The following SERAC1 variants were observed in gnomAD, a reference collection of about 807,000 sequenced individuals.
SERAC1 encodes the protein serine active site containing 1.
A neutral mutation model predicts 85.7 loss-of-function variants in SERAC1; 36 were observed. The ratio of observed to expected loss-of-function variants is 0.42; its 90% confidence interval spans 0.32 to 0.55. The LOEUF is 0.55. Ranked by LOEUF, SERAC1 falls within the 20% of genes least tolerant of loss-of-function variation. The probability of loss-of-function intolerance (pLI) is 0.11; values close to 1 mark genes in which losing one functional copy is unlikely to be tolerated. For synonymous variants in SERAC1, 242 were observed against 265.3 expected, an observed-to-expected ratio of 0.91 and a Z score of 0.85; for missense variants, 629 against 796.2, an observed-to-expected ratio of 0.79 and a Z score of 2.53.
intron 3 of SERAC1, 92 bp from the exon 4 acceptor site, chr6:158,150,681 TC>T: frequency 5.5e-6 from 5 of 903,978 alleles, no homozygotes; most frequent in Non-Finnish European, 8.6e-6. Context: ...ATAGTAAACT[TC>T]TTTTTTGTTG....
Position 158,119,185 on chromosome 6 carries a change from A to T in SERAC1, c.1167-15T>A. The stretch of plus-strand genomic sequence containing the variant: ...TAATGGGCTGACTAATAGGGGAGAG[A>T]GTTTTAAAAAGAAGCAGAATAAATG... On this transcript the variant is annotated splice_polypyrimidine_tract_variant and intron_variant, in intron 11 of 16. Coordinates refer to ENST00000647468, the MANE Select transcript of SERAC1 (RefSeq NM_032861.4). The surrounding 1 kb of genome is among the most constrained non-coding windows in gnomAD (Gnocchi z 4.5). 1.3e-6 allele frequency: 2 copies of T among 1,597,770 alleles called. No homozygotes were observed. The highest frequency in any genetic ancestry group is 1.7e-6 in the Non-Finnish European group (2 of 1,170,716).
At chr6:158,136,972 A>T (rs1784808802) in intron 8 of SERAC1, among the ~76,000 whole-genome samples, 1 of 152,154 alleles carries the variant, frequency 6.6e-6, no homozygotes, top group Non-Finnish European at 1.5e-5. Context: ...ATCCTGGCTA[A>T]CATGGTGAAA....
intron 15 of SERAC1, chr6:158,114,556 A>G (rs1178601280): frequency 8.2e-7 from 1 of 1,217,872 alleles, no homozygotes. Context: ...AATTTTAAGT[A>G]TTTAAGATAA....
At position 158,128,247 on chromosome 6, in the gene SERAC1, G is replaced by A. The variant is rs746614907; in HGVS notation, c.876C>T (p.Ile292=). 10 of 1,613,784 alleles carry A rather than the reference G, an allele frequency of 6.2e-6. No homozygotes were observed. Among genetic ancestry groups the A allele is most frequent in the Admixed American group, 1.7e-5 (1 of 59,966 alleles). The part of the protein sequence containing the change: ...HSEISTHCDK[I]EANGGLQLLQ... ...GTAGCTGCAGGCCTCCATTTGCTTC[G>A]ATTTTATCACAATGTGTGGATATCT... is the stretch of plus-strand genomic sequence containing the variant. The change falls in exon 10 of 17, where the codon ATC becomes ATT. Residue 292 remains isoleucine (I), a synonymous_variant. Coordinates refer to ENST00000647468, the MANE Select transcript of SERAC1 (RefSeq NM_032861.4).
chr6:158,133,805 G>T (rs965065150), intron 8 of SERAC1, among the ~76,000 whole-genome samples: 1 of 152,126 alleles, frequency 6.6e-6, no homozygotes, highest in Non-Finnish European at 1.5e-5. Context: ...GTCCTTAGGG[G>T]TATGGGGTAG....
In SERAC1 at chr6:158,117,224, A is replaced by C; in HGVS notation, c.1403+503T>G. The stretch of plus-strand genomic sequence containing the variant: ...TAGACAAAGCTTCCCGGAAAAGTTA[A>C]CTGACTGGTCTAAGACTGCACAGCA... On this transcript the variant is annotated intron_variant, in intron 13 of 16. Transcript: ENST00000647468. This position sits in a 1 kb window ranked among gnomAD's most constrained non-coding sequence, Gnocchi z 4.3. 1 of 312,978 alleles carries C rather than the reference A, an allele frequency of 3.2e-6. No individual in the cohort carries two copies. The allele number at this position is 312,978 out of a possible 1,614,324, so 19.4% of individuals were successfully genotyped here. A position where few individuals can be genotyped will look rare whatever the true frequency, so the allele number is the denominator to read the frequency against.
rs1300415922 is a variant in SERAC1 at position 158,136,623 on chromosome 6, T to C, written c.739-6137A>G. The stretch of plus-strand genomic sequence containing the variant: ...TATCCTCCTGCCTCAGCCTCCTCAG[T>C]AGCTGGGACTACAGGCATGGGCCAC... On this transcript the variant is annotated intron_variant, in intron 8 of 16. Transcript: ENST00000647468. Among the ~76,000 whole-genome samples, 5 of 152,148 alleles carry C rather than the reference T, an allele frequency of 3.3e-5. No homozygotes were observed. In the East Asian group the frequency reaches 7.7e-4, roughly 24 times the overall value.
intron 6 of SERAC1, chr6:158,145,952 T>C (rs1437604356): frequency 6.6e-6 from 1 of 152,228 alleles, no homozygotes; most frequent in Non-Finnish European, 1.5e-5. Flanking sequence ...GTAAAATTTG[T>C]GATTTTTAAA....
intron 10 of SERAC1, among the ~76,000 whole-genome samples, chr6:158,125,214 C>T (rs985953416): frequency 6.6e-6 from 1 of 152,190 alleles, no homozygotes; most frequent in Non-Finnish European, 1.5e-5. Context: ...GCTATCCCAA[C>T]TGCCCTGACT....
chr6:158,113,379 T>C, intron 16 of SERAC1, 70 bp downstream of exon 16: 8 of 1,256,850 alleles, frequency 6.4e-6, no homozygotes, highest in Non-Finnish European at 9.0e-6. Flanking sequence ...ATATAAAAAT[T>C]GCTGTTTACA....
At chr6:158,131,820 C>G (rs1435652188) in intron 8 of SERAC1, among the ~76,000 whole-genome samples, 3 of 152,092 alleles carry the variant, frequency 2.0e-5, no homozygotes, top group African/African-American at 7.2e-5. Flanking sequence ...AGACTGAAAA[C>G]CAGCTAATAT....
chr6:158,156,663 C>G (rs1325670615), intron 2 of SERAC1, among the ~76,000 whole-genome samples: 1 of 149,464 alleles, frequency 6.7e-6, no homozygotes, highest in African/African-American at 2.5e-5. Flanking sequence ...GTTACATGCA[C>G]TGAGCACAAC....
At position 158,163,893 on chromosome 6, in the gene SERAC1, T is replaced by C. The variant is rs746275360; in HGVS notation, c.-2+4247A>G. Among the ~76,000 whole-genome samples, 34 of 151,924 alleles carry C rather than the reference T, an allele frequency of 2.2e-4. 1 individual carries two copies. The highest frequency in any genetic ancestry group is 4.2e-4 in the South Asian group (2 of 4,796). ...CTGGGATTACAGATGCCCACCACCA[T>C]ACCTGGCTAATTTTTGTATTTTGGG... On this transcript the variant is annotated intron_variant, in intron 1 of 16. Coordinates refer to ENST00000647468, the MANE Select transcript of SERAC1 (RefSeq NM_032861.4).
Position 158,120,713 on chromosome 6 carries a change from C to T in SERAC1, c.1016-138G>A. The T allele has an allele frequency of 1.1e-6, 1 of 875,896 alleles. No homozygotes were observed. The highest frequency in any genetic ancestry group is 1.7e-6 in the Non-Finnish European group (1 of 585,916). The allele number at this position is 875,896 out of a possible 1,614,324, so 54.3% of individuals were successfully genotyped here. A position where few individuals can be genotyped will look rare whatever the true frequency, so the allele number is the denominator to read the frequency against. ...CCTTGGCGGAGAAGTCCGACTATTC[C>T]AACCCCATTCTGCCCTACGATCCTC... On this transcript the variant is annotated intron_variant, in intron 10 of 16. Transcript: ENST00000647468. This position sits in a 1 kb window ranked among gnomAD's most constrained non-coding sequence, Gnocchi z 4.4.
intron 6 of SERAC1, chr6:158,146,325 T>G (rs181519074): frequency 6.5e-6 from 1 of 152,748 alleles, no homozygotes; most frequent in East Asian, 1.9e-4. Context: ...CTTAAAATTT[T>G]TCAAATACTT....
Position 158,117,412 on chromosome 6 carries a change from G to C in SERAC1, c.1403+315C>G, listed in dbSNP as rs1213825845. ...TTAGCCAGTATGATTGTGGACACAAGAACAAAAAAACATCACTTTTACTTC... is the reference window on the plus strand; with the variant it reads ...TTAGCCAGTATGATTGTGGACACAACAACAAAAAAACATCACTTTTACTTC... On this transcript the variant is annotated intron_variant, in intron 13 of 16. Transcript: ENST00000647468. The surrounding 1 kb of genome is among the most constrained non-coding windows in gnomAD (Gnocchi z 4.3). The C allele has an allele frequency of 1.5e-5, 16 of 1,088,056 alleles. No homozygotes were observed. Among genetic ancestry groups the C allele is most frequent in the Non-Finnish European group, 2.0e-5 (16 of 783,606 alleles). 67.4% of individuals were successfully genotyped at this position (1,088,056 alleles called of 1,614,324 possible). A position where few individuals can be genotyped will look rare whatever the true frequency, so the allele number is the denominator to read the frequency against.
At chr6:158,115,177 T>C (rs375949913) in intron 14 of SERAC1, among the ~76,000 whole-genome samples, 1 of 152,186 alleles carries the variant, frequency 6.6e-6, no homozygotes, top group East Asian at 1.9e-4. Context: ...AGTGCAAGCC[T>C]ACAAACAGGG....
chr6:158,124,640 G>GA (rs1784494840), intron 10 of SERAC1, among the ~76,000 whole-genome samples: 1 of 151,742 alleles, frequency 6.6e-6, no homozygotes, highest in Non-Finnish European at 1.5e-5. Context: ...AGAAGCCAGA[G>GA]GAAAAAAGAT....
Position 158,128,174 on chromosome 6 carries a change from T to A in SERAC1, c.949A>T (p.Asn317Tyr). 6.2e-7 allele frequency: 1 copy of A among 1,614,174 alleles called. No individual in the cohort carries two copies. The highest frequency in any genetic ancestry group is 8.5e-7 in the Non-Finnish European group (1 of 1,180,012). ...ATATTTCCAATGACACGCATTATAT[T>A]TCTCTGTACTTTAGGGCAGTCCTTG... Reference protein sequence around the residue: ...LHKDCPKVQRNIMRVIGNMAL... With the variant: ...LHKDCPKVQRYIMRVIGNMAL... The change falls in exon 10 of 17, where the codon AAT becomes TAT. Residue 317 changes from asparagine (N) to tyrosine (Y), a missense_variant. Physicochemically the swap from Asn to Tyr is moderately radical, Grantham distance 143. Coordinates refer to ENST00000647468, the MANE Select transcript of SERAC1 (RefSeq NM_032861.4).
Sources: allele counts gnomAD v4.1 joint callset (sites outside exome capture counted in the v4.1 genomes callset), GRCh38; gene constraint gnomAD v4.1.1; non-coding constraint Gnocchi (gnomAD v3.1); transcripts MANE v1.5; gene names NCBI Gene and HGNC (gene_info 2026-07-23, HGNC 2026-07-21).